SHISA9: variants seen among roughly 807,000 people sequenced by gnomAD.
SHISA9 encodes the protein protein shisa-9.
A neutral mutation model predicts 38.0 loss-of-function variants in SHISA9; 13 were observed. The observed-to-expected ratio is 0.34, with a 90% CI of 0.22 to 0.54. The LOEUF (loss-of-function observed/expected upper bound fraction) is 0.54, where lower values mean the gene tolerates loss of function less well. Among genes scored for constraint, SHISA9 ranks in the 20% least tolerant of loss-of-function variants. The pLI is 0.91. For missense variants in SHISA9, 538 were observed against 575.8 expected (o/e 0.93, Z 0.67); for synonymous variants, 275 against 242.0 (o/e 1.14, Z -1.27).
the SHISA9 span, among the ~76,000 whole-genome samples, chr16:13,297,464 AT>A: frequency 6.6e-6 from 1 of 152,140 alleles, no homozygotes; most frequent in Non-Finnish European, 1.5e-5. Context: ...GAAAGAGATG[AT>A]GGGATGGAGA....
the SHISA9 span, among the ~76,000 whole-genome samples, chr16:13,534,574 A>G: frequency 2.0e-5 from 3 of 152,154 alleles, no homozygotes; most frequent in African/African-American, 7.2e-5. Context: ...AGTTGCCAAA[A>G]TTAATTATTA....
chr16:13,488,995 G>C, the SHISA9 span, among the ~76,000 whole-genome samples: 1 of 152,032 alleles, frequency 6.6e-6, no homozygotes, highest in South Asian at 2.1e-4. Flanking sequence ...GGATGGTCTC[G>C]GTCTCCTGAA....
intron 2 of SHISA9, among the ~76,000 whole-genome samples, chr16:13,022,627 C>T (rs2072872185): frequency 6.6e-6 from 1 of 152,064 alleles, no homozygotes; most frequent in Non-Finnish European, 1.5e-5. Flanking sequence ...CCACCGCGCC[C>T]AGCCTTAATT....
At position 13,158,892 on chromosome 16, in the gene SHISA9, T is replaced by TAA. The variant is rs11373395; in HGVS notation, c.692-44485_692-44484dup. Among the ~76,000 whole-genome samples, 1,095 of 133,794 alleles carry TAA rather than the reference T, an allele frequency of 8.2e-3. 21 individuals are homozygous for TAA. Among genetic ancestry groups the TAA allele is most frequent in the East Asian group, 0.053 (239 of 4,534 alleles). 87.8% of individuals were successfully genotyped at this position (133,794 alleles called of 152,430 possible). On this transcript the variant is annotated intron_variant, in intron 2 of 4. Transcript: ENST00000558583. ...CAACATGGTGTAACCCCATCTCTAC[T>TAA]AAAAAAAAAAAAAAAAAATTAGCTG...
intron 2 of SHISA9, among the ~76,000 whole-genome samples, chr16:13,068,105 G>A (rs943214812): frequency 2.6e-5 from 4 of 152,204 alleles, no homozygotes; most frequent in African/African-American, 9.6e-5. Flanking sequence ...GGCTGGAACT[G>A]TGGGTTCATA....
At chr16:13,422,156 G>A in the SHISA9 span, among the ~76,000 whole-genome samples, 3 of 152,110 alleles carry the variant, frequency 2.0e-5, no homozygotes, top group Admixed American at 6.5e-5. Flanking sequence ...CGTAAAATAC[G>A]GGCTGATGTC....
intron 2 of SHISA9, among the ~76,000 whole-genome samples, chr16:13,071,624 CTCCCTCCTTCCT>C (rs991811839): frequency 2.3e-5 from 3 of 131,160 alleles, no homozygotes; most frequent in South Asian, 2.2e-4. Context: ...CCTTCCCTCC[CTCCCTCCTTCCT>C]TCCCTCCTTC....
chr16:13,499,933 G>C, the SHISA9 span, among the ~76,000 whole-genome samples: 4 of 152,202 alleles, frequency 2.6e-5, no homozygotes, highest in African/African-American at 7.2e-5. Context: ...CTTCACACAT[G>C]CAGCCCTCAG....
the SHISA9 span, among the ~76,000 whole-genome samples, chr16:13,341,797 CCTATCTAT>C: frequency 2.6e-5 from 4 of 152,154 alleles, no homozygotes; most frequent in Non-Finnish European, 5.9e-5. Flanking sequence ...ATGTAAGGAT[CCTATCTAT>C]ACGTAGCAGA....
At chr16:13,562,141 C>T in the SHISA9 span, among the ~76,000 whole-genome samples, 3 of 152,078 alleles carry the variant, frequency 2.0e-5, no homozygotes, top group Admixed American at 2.0e-4. Context: ...TTTTTCCTTC[C>T]AGCACCTAAT....
intron 2 of SHISA9, among the ~76,000 whole-genome samples, chr16:12,985,488 G>C (rs1047674780): frequency 3.9e-5 from 6 of 152,136 alleles, no homozygotes; most frequent in Admixed American, 6.5e-5. Context: ...CTGGTCCCTG[G>C]CACGCTGTGG....
chr16:12,918,445 T>C (rs1374570260), intron 2 of SHISA9, among the ~76,000 whole-genome samples: 1 of 152,226 alleles, frequency 6.6e-6, no homozygotes, highest in Non-Finnish European at 1.5e-5. Context: ...ATCTCTAGGA[T>C]GATTTTTGAA....
At chr16:13,351,593 A>T in the SHISA9 span, among the ~76,000 whole-genome samples, 1 of 152,076 alleles carries the variant, frequency 6.6e-6, no homozygotes, top group Admixed American at 6.5e-5. Context: ...ATAAATCAAC[A>T]CTTGCCCAGG....
chr16:13,465,523 G>A, the SHISA9 span, among the ~76,000 whole-genome samples: 2 of 152,334 alleles, frequency 1.3e-5, no homozygotes, highest in African/African-American at 4.8e-5. Context: ...AGAATCACAG[G>A]ATTTGGCATA....
the SHISA9 span, among the ~76,000 whole-genome samples, chr16:13,311,958 G>A: frequency 6.6e-6 from 1 of 152,130 alleles, no homozygotes; most frequent in African/African-American, 2.4e-5. Context: ...TTATACAACA[G>A]TTTATTATTT....
intron 2 of SHISA9, among the ~76,000 whole-genome samples, chr16:12,994,494 G>C (rs1012607496): frequency 2.0e-5 from 3 of 152,166 alleles, no homozygotes; most frequent in Non-Finnish European, 4.4e-5. Flanking sequence ...TTGTGTTCCT[G>C]TTACTTGCCA....
intron 2 of SHISA9, among the ~76,000 whole-genome samples, chr16:13,018,077 C>T (rs1029801248): frequency 6.6e-6 from 1 of 152,242 alleles, no homozygotes; most frequent in Admixed American, 6.5e-5. Context: ...GAGGAGCTAG[C>T]TCAGAGTGCT....
chr16:13,157,784 C>T (rs564038151), intron 2 of SHISA9, among the ~76,000 whole-genome samples: 23 of 152,274 alleles, frequency 1.5e-4, no homozygotes, highest in Admixed American at 1.1e-3. Flanking sequence ...GCCCCCAATC[C>T]GGAGGCATTC....
At position 12,990,430 on chromosome 16, in the gene SHISA9, C is replaced by A. The variant is rs375885016; in HGVS notation, c.691+73615C>A. ...GTAAAAGTGTTCTTTTTCTCAGCAA[C>A]CTCACCAGCATCTGTTGTGTTTTGA... On this transcript the variant is annotated intron_variant, in intron 2 of 4. Transcript: ENST00000558583. Among the ~76,000 whole-genome samples the A allele has an allele frequency of 5.9e-5, 9 of 152,328 alleles. No homozygotes were observed. In the East Asian group the frequency reaches 1.5e-3, roughly 26 times the overall value.
Sources: gnomAD v4.1 joint callset for allele counts (sites outside exome capture counted in the v4.1 genomes callset) on GRCh38, gnomAD v4.1.1 for gene constraint, MANE v1.5 for transcripts, NCBI Gene and HGNC (gene_info 2026-07-23, HGNC 2026-07-21) for gene names.